Variants in KRI1 observed in about 807,000 individuals in gnomAD.
KRI1 encodes the protein protein KRI1 homolog.
In KRI1, 83 loss-of-function variants were observed where a neutral mutation model predicts 97.0. The observed-to-expected ratio is 0.86, with a 90% confidence interval of 0.72 to 1.03. The LOEUF is 1.03. KRI1 is among the 50% of genes least tolerant of loss of function. The probability of loss-of-function intolerance (pLI) is 0.00; values close to 1 mark genes in which losing one functional copy is unlikely to be tolerated. For missense variants in KRI1, 916 were observed against 928.4 expected, an observed-to-expected ratio of 0.99 and a Z score of 0.17; for synonymous variants, 371 against 363.5, an observed-to-expected ratio of 1.02 and a Z score of -0.23.
intron 4 of KRI1, among the ~76,000 whole-genome samples, 172 bp from the exon 5 acceptor site, chr19:10,562,017 T>A (rs867723827): frequency 0.018 from 2,491 of 138,190 alleles, 57 homozygotes; most frequent in African/African-American, 0.054. Flanking sequence ...TTTCCAGCGT[T>A]TTTTTTTTTT....
chr19:10,561,113 T>C (rs1372725460), intron 7 of KRI1, 33 bp from the exon 8 acceptor site: 2 of 1,613,202 alleles, frequency 1.2e-6, no homozygotes, highest in Non-Finnish European at 8.5e-7. Flanking sequence ...CATCCGCAGA[T>C]GCCCAGCCAC....
intron 12 of KRI1, 104 bp from the exon 13 acceptor site, chr19:10,558,343 A>G (rs574967492): frequency 1.7e-5 from 18 of 1,073,110 alleles, no homozygotes; most frequent in South Asian, 3.9e-5. Context: ...TTACTCCTAC[A>G]GCTAGGGCTC....
At position 10,559,810 on chromosome 19, in the gene KRI1, C is replaced by T. The variant is rs772345684; in HGVS notation, c.927G>A (p.Ser309=). The T allele has an allele frequency of 5.6e-6, 9 of 1,613,730 alleles. No homozygotes were observed. The Admixed American group carries it at 1.0e-4, about 18-fold the overall frequency. Residue 309 remains serine, a splice_region_variant and synonymous_variant, in exon 10 of 19, where the codon TCG becomes TCA. Transcript: ENST00000312962. Reference sequence around the variant, plus strand: ...GTCCTCCCCAGCCCCAGCCACACACCGATGCTGAGTCCGGCTCCTCGAAAC... The same window carrying T: ...GTCCTCCCCAGCCCCAGCCACACACTGATGCTGAGTCCGGCTCCTCGAAAC... ...NFRFEEPDSA[S]VKTYPRSIAS...
chr19:10,553,820 G>C lies in KRI1; in HGVS notation c.*131C>G, dbSNP rs931369464. 1.2e-6 allele frequency: 1 copy of C among 821,020 alleles called. No homozygotes were observed. The highest frequency in any genetic ancestry group is 1.8e-6 in the Non-Finnish European group (1 of 549,664). The allele number at this position is 821,020 out of a possible 1,614,324, so 50.9% of individuals were successfully genotyped here. A position where few individuals can be genotyped will look rare whatever the true frequency, so the allele number is the denominator to read the frequency against. Reference sequence around the variant, plus strand: ...GATCCTTTCACCTCGGCCTCCCAAAGTGCTGGGATTACAGGCGTGCCTGGC... The same window carrying C: ...GATCCTTTCACCTCGGCCTCCCAAACTGCTGGGATTACAGGCGTGCCTGGC... On this transcript the variant is annotated 3_prime_UTR_variant, in exon 19 of 19. Transcript: ENST00000312962.
In KRI1 at chr19:10,555,315, C is replaced by T. The variant is rs759410881; in HGVS notation, c.1652G>A (p.Trp551Ter). ...LAADDKELNRWCSLKKTCMYR... is the reference protein window; with the variant it reads ...LAADDKELNR Reference sequence around the variant, plus strand: ...CATGCAGGTCTTCTTTAGGGAGCACCACCGGTTCAGCTCCTTATCGTCAGC... The same window carrying T: ...CATGCAGGTCTTCTTTAGGGAGCACTACCGGTTCAGCTCCTTATCGTCAGC... The change falls in exon 17 of 19, where the codon TGG (tryptophan) becomes TAG (stop). Residue 551 changes from tryptophan to a stop codon, truncating the protein, a stop_gained. Transcript: ENST00000312962. LOFTEE classifies it high-confidence loss of function. 4 of 1,612,826 alleles carry T rather than the reference C, an allele frequency of 2.5e-6. No individual in the cohort carries two copies. Among genetic ancestry groups the T allele is most frequent in the Admixed American group, 3.3e-5 (2 of 59,788 alleles).
chr19:10,553,575 A>T lies in KRI1; in HGVS notation c.*376T>A, dbSNP rs200905145. 7.5e-5 allele frequency: 11 copies of T among 147,174 alleles called. No individual in the cohort carries two copies. Among genetic ancestry groups the T allele is most frequent in the African/African-American group, 1.0e-4 (4 of 38,448 alleles). 9.1% of individuals were successfully genotyped at this position (147,174 alleles called of 1,614,324 possible). A position where few individuals can be genotyped will look rare whatever the true frequency, so the allele number is the denominator to read the frequency against. On this transcript the variant is annotated 3_prime_UTR_variant, in exon 19 of 19. Coordinates refer to ENST00000312962, the MANE Select transcript of KRI1 (RefSeq NM_023008.5). ...TACCCACAGCTACACGTGTTTTTTAATTTTTTTTTTTTTTTCAAGAGACAG... is the reference window on the plus strand; with the variant it reads ...TACCCACAGCTACACGTGTTTTTTATTTTTTTTTTTTTTTTCAAGAGACAG...
Position 10,554,003 on chromosome 19 carries a change from C to T in KRI1, c.2060G>A (p.Arg687His), listed in dbSNP as rs1555747920. Residue 687 changes from arginine (R) to histidine (H), a missense_variant, in exon 19 of 19, where the codon CGC becomes CAC. Transcript: ENST00000312962. ...TTTCCTCCGCTGCCGGCCCAGCTGG[C>T]GGAAGTGCAGCCGTTTGGGGTTGAG... The part of the protein sequence containing the change: ...FGLNPKRLHF[R>H]QLGRQRRKQQ... 1.5e-5 allele frequency: 24 copies of T among 1,612,700 alleles called. No individual in the cohort carries two copies. The highest frequency in any genetic ancestry group is 1.3e-4 in the South Asian group (12 of 91,000).
At position 10,553,968 on chromosome 19, in the gene KRI1, G is replaced by A; in HGVS notation, c.2095C>T (p.Pro699Ser). 5 of 1,606,396 alleles carry A rather than the reference G, an allele frequency of 3.1e-6. No individual in the cohort carries two copies. Among genetic ancestry groups the A allele is most frequent in the South Asian group, 1.1e-5 (1 of 90,262 alleles). Residue 699 changes from proline (P) to serine (S), a missense_variant, in exon 19 of 19, where the codon CCC (proline) becomes TCC (serine). Coordinates refer to ENST00000312962, the MANE Select transcript of KRI1 (RefSeq NM_023008.5). ...LGRQRRKQQG[P>S]KNSS ...CCTGGTGCTCAGGAGCTGTTCTTGGGCCCCTGTTGTTTCCTCCGCTGCCGG... is the reference window on the plus strand; with the variant it reads ...CCTGGTGCTCAGGAGCTGTTCTTGGACCCCTGTTGTTTCCTCCGCTGCCGG...
chr19:10,565,866 G>A (rs1916858106), intron 1 of KRI1, 40 bp downstream of exon 1: 3 of 1,533,026 alleles, frequency 2.0e-6, no homozygotes, highest in Non-Finnish European at 2.6e-6. Context: ...CCAACCGGCC[G>A]GCGCGCGCAG....
At chr19:10,554,309 C>G (rs534799274) in intron 18 of KRI1, 28 bp from the exon 19 acceptor site, 1 of 1,592,220 alleles carries the variant, frequency 6.3e-7, no homozygotes. Flanking sequence ...GGGCTCAGCC[C>G]AGGCCTGTCA....
In KRI1 at chr19:10,559,367, G is replaced by T. The variant is rs141095275; in HGVS notation, c.1186C>A (p.Leu396Ile). The T allele has an allele frequency of 9.3e-6, 15 of 1,613,770 alleles. No individual in the cohort carries two copies. The highest frequency in any genetic ancestry group is 1.6e-4 in the Middle Eastern group (1 of 6,062). Residue 396 changes from leucine (L) to isoleucine (I), a missense_variant, in exon 12 of 19, where the codon CTC becomes ATC. Leu to Ile is a conservative substitution (Grantham distance 5, BLOSUM62 2). Around this residue, in one of 3 missense-constraint regions of KRI1, gnomAD observed 672 missense variants for 667.2 expected, o/e 1.01. Coordinates refer to ENST00000312962, the MANE Select transcript of KRI1 (RefSeq NM_023008.5). ...CGGGATGAGGGCCGCACCTGCATGA[G>T]CTGGTCGTGCTGGGCAGGGTCGAAG... ...DDFDPAQHDQ[L>I]MQKCFGDEYY... is the part of the protein sequence containing the mutation.
intron 16 of KRI1, among the ~76,000 whole-genome samples, chr19:10,555,957 G>C (rs1916491120): frequency 6.6e-6 from 1 of 152,106 alleles, no homozygotes; most frequent in African/African-American, 2.4e-5. Context: ...ATCAATTATT[G>C]TCTCACTTTA....
intron 4 of KRI1, among the ~76,000 whole-genome samples, chr19:10,562,114 T>C (rs1365575782): frequency 6.6e-6 from 1 of 151,616 alleles, no homozygotes; most frequent in Non-Finnish European, 1.5e-5. Flanking sequence ...AGTGGCATGA[T>C]CTCGGAAAAC....
chr19:10,560,553 T>C (rs1282145395), intron 8 of KRI1, 105 bp from the exon 9 acceptor site: 1 of 805,774 alleles, frequency 1.2e-6, no homozygotes, highest in Non-Finnish European at 2.0e-6. Context: ...TAGGTGACAT[T>C]AGCCCCATTT....
Position 10,565,995 on chromosome 19 carries a change from G to A in KRI1, c.5C>T (p.Pro2Leu), listed in dbSNP as rs577890892. ...CAGCTGCGACGACCCGCGCGGTTCC[G>A]GCATGGCGGTTCTGTGGCCCATTGC... Reference protein sequence around the residue: MPEPRGSSQLRV... With the variant: MLEPRGSSQLRV... Residue 2 changes from proline to leucine, a missense_variant, in exon 1 of 19, where the codon CCG becomes CTG. By Grantham distance (98) the Pro-to-Leu change is moderately conservative (BLOSUM62 -3). Around this residue, in one of 3 missense-constraint regions of KRI1, gnomAD observed 173 missense variants for 153.1 expected, o/e 1.13. Coordinates refer to ENST00000312962, the MANE Select transcript of KRI1 (RefSeq NM_023008.5). 1.8e-4 allele frequency: 267 copies of A among 1,520,682 alleles called. No homozygotes were observed. The East Asian group carries it at 4.7e-3, about 27-fold the overall frequency. 94.2% of individuals were successfully genotyped at this position (1,520,682 alleles called of 1,614,324 possible). A position where few individuals can be genotyped will look rare whatever the true frequency, so the allele number is the denominator to read the frequency against.
In KRI1 at chr19:10,559,594, G is replaced by A; in HGVS notation, c.1023+19C>T. On this transcript the variant is annotated intron_variant, in intron 11 of 18. Transcript: ENST00000312962. ...CTCCAGGGCTGGGGGGTCCTCCCCA[G>A]CTCACCCCCCACACTCACCCTCTTC... The A allele has an allele frequency of 1.9e-6, 3 of 1,613,724 alleles. No homozygotes were observed. Among genetic ancestry groups the A allele is most frequent in the Non-Finnish European group, 2.5e-6 (3 of 1,179,922 alleles).
chr19:10,560,495 G>T (rs1267588523), intron 8 of KRI1, 47 bp from the exon 9 acceptor site: 3 of 1,431,800 alleles, frequency 2.1e-6, no homozygotes, highest in Non-Finnish European at 1.9e-6. Flanking sequence ...GGACAGGGAA[G>T]GAGGGCAGGC....
intron 8 of KRI1, 54 bp from the exon 9 acceptor site, chr19:10,560,502 A>G (rs1157245710): frequency 1.5e-6 from 2 of 1,355,858 alleles, no homozygotes; most frequent in African/African-American, 2.9e-5. Context: ...GAAGGAGGGC[A>G]GGCATGCTCA....
chr19:10,555,164 C>T lies in KRI1; in HGVS notation c.1704G>A (p.Arg568=). ...CCTTCTGGCTGTACGCCCGCTTGTC[C>T]CGCAGCTCCTCCTGCTCTGACCTGC... ...CMYRSEQEEL[R]DKRAYSQKAQ... The change falls in exon 18 of 19, where the codon CGG becomes CGA. Residue 568 remains arginine (R), a synonymous_variant. Coordinates refer to ENST00000312962, the MANE Select transcript of KRI1 (RefSeq NM_023008.5). 1 of 1,612,718 alleles carries T rather than the reference C, an allele frequency of 6.2e-7. No individual in the cohort carries two copies. The highest frequency in any genetic ancestry group is 8.5e-7 in the Non-Finnish European group (1 of 1,179,590).
Sources: gnomAD v4.1 joint callset for allele counts (sites outside exome capture counted in the v4.1 genomes callset) on GRCh38, gnomAD v4.1.1 for gene constraint, gnomAD v4.1.1 regional missense constraint, MANE v1.5 for transcripts, NCBI Gene and HGNC (gene_info 2026-07-23, HGNC 2026-07-21) for gene names.